The following WHRN variants were observed in gnomAD, a reference collection of about 807,000 sequenced individuals.
The protein encoded by WHRN is CASK-interacting protein CIP98.
Under a neutral mutation model 68.3 loss-of-function variants are expected in WHRN, and 41 were observed. The observed-to-expected ratio is 0.60, with a 90% confidence interval of 0.47 to 0.78. The LOEUF is 0.78. Among genes scored for constraint, WHRN ranks in the 30% least tolerant of loss-of-function variants. WHRN has a pLI of 0.00. For synonymous variants in WHRN, 560 were observed against 561.3 expected (o/e 1.00, Z 0.03); for missense variants, 1,243 against 1,244.7 (o/e 1.00, Z 0.02).
chr9:114,438,995 G>T (rs560881418), intron 3 of WHRN, among the ~76,000 whole-genome samples: 1 of 152,100 alleles, frequency 6.6e-6, no homozygotes, highest in African/African-American at 2.4e-5. Flanking sequence ...TCCAGGATAC[G>T]GTGAAGAAAA....
At chr9:114,485,603 A>G (rs1243468415) in intron 1 of WHRN, among the ~76,000 whole-genome samples, 1 of 151,820 alleles carries the variant, frequency 6.6e-6, no homozygotes, top group African/African-American at 2.4e-5. Flanking sequence ...GAGGCAGAAG[A>G]ATTGCTTGAC....
chr9:114,469,113 G>A (rs994993005), intron 2 of WHRN, among the ~76,000 whole-genome samples: 21 of 151,906 alleles, frequency 1.4e-4, no homozygotes, highest in African/African-American at 5.1e-4. Context: ...TGTGTAGAGT[G>A]CGTAGGGTCG....
chr9:114,460,910 CA>C (rs765324057), intron 3 of WHRN, among the ~76,000 whole-genome samples: 14 of 152,322 alleles, frequency 9.2e-5, no homozygotes, highest in Non-Finnish European at 1.3e-4. Flanking sequence ...TGCCTAATTC[CA>C]CTGAAAGTGC....
Position 114,424,426 on chromosome 9 carries a change from T to C in WHRN, c.1324A>G (p.Met442Val), listed in dbSNP as rs376346064. The change falls in exon 6 of 12, where the codon ATG (methionine) becomes GTG (valine). Residue 442 changes from methionine to valine, a missense_variant. Transcript: ENST00000362057. ...CGGTACTCATCCAGGTAGTAGGCCA[T>C]GGTGGCGTGTTCCTGCTCGTTCAGC... ...HLLNEQEHAT[M>V]AYYLDEYRGG... is the part of the protein sequence containing the mutation. 11 of 1,613,344 alleles carry C rather than the reference T, an allele frequency of 6.8e-6. No individual in the cohort carries two copies. In the African/African-American group the frequency reaches 1.1e-4, roughly 16 times the overall value.
intron 3 of WHRN, among the ~76,000 whole-genome samples, chr9:114,430,877 T>G (rs1413060641): frequency 1.3e-5 from 2 of 152,188 alleles, no homozygotes; most frequent in Non-Finnish European, 2.9e-5. Context: ...AAGTGCTAGG[T>G]AGGACTGGCT....
chr9:114,452,186 C>CTGCT (rs2132722907), intron 3 of WHRN, among the ~76,000 whole-genome samples: 1 of 152,328 alleles, frequency 6.6e-6, no homozygotes, highest in African/African-American at 2.4e-5. Context: ...TACCCTCATG[C>CTGCT]TGCTGTATCT....
At chr9:114,407,034 T>G in intron 8 of WHRN, 142 bp from the exon 9 acceptor site, 1 of 966,476 alleles carries the variant, frequency 1.0e-6, no homozygotes. Context: ...CTCTGAATAA[T>G]GCAACACCTG....
At chr9:114,426,615 C>T (rs1452888566) in intron 3 of WHRN, among the ~76,000 whole-genome samples, 1 of 152,206 alleles carries the variant, frequency 6.6e-6, no homozygotes, top group African/African-American at 2.4e-5. Flanking sequence ...AGAGTCCATG[C>T]TCTTGTCATC....
intron 7 of WHRN, among the ~76,000 whole-genome samples, chr9:114,420,732 C>T (rs551603938): frequency 7.2e-5 from 11 of 152,238 alleles, no homozygotes; most frequent in Non-Finnish European, 1.2e-4. Context: ...TTTCCCCAGC[C>T]AGGTGGGCTG....
chr9:114,502,223 T>C (rs1271541128), intron 1 of WHRN, among the ~76,000 whole-genome samples: 2 of 152,176 alleles, frequency 1.3e-5, no homozygotes, highest in South Asian at 2.1e-4. Flanking sequence ...ATTTTGCCAA[T>C]GTAGCCACCT....
In WHRN at chr9:114,403,925, C is replaced by T. The variant is rs753642608; in HGVS notation, c.2389G>A (p.Glu797Lys). The change falls in exon 10 of 12, where the codon GAG becomes AAG. Residue 797 changes from glutamate (E) to lysine (K), a missense_variant. By Grantham distance (56) the Glu-to-Lys change is moderately conservative. Coordinates refer to ENST00000362057, the MANE Select transcript of WHRN (RefSeq NM_015404.4). ...TTGTTGGCCCCATCTGTGGGCCTCT[C>T]GTTCCGAGGCAGCTCCTTGCTACTC... Reference protein sequence around the residue: ...SRSSKELPRNERPTDGANKPP... With the variant: ...SRSSKELPRNKRPTDGANKPP... The T allele has an allele frequency of 1.2e-5, 20 of 1,611,166 alleles. No homozygotes were observed. Among genetic ancestry groups the T allele is most frequent in the African/African-American group, 2.7e-5 (2 of 74,946 alleles).
In WHRN at chr9:114,504,822, G is replaced by C; in HGVS notation, c.-21C>G. On this transcript the variant is annotated 5_prime_UTR_variant, in exon 1 of 12. Transcript: ENST00000362057. ...TTCATCTCCACGCCGAGGCCCGGCCGGGCTCTGAGCGCGCGGGGTGTGGGC... is the reference window on the plus strand; with the variant it reads ...TTCATCTCCACGCCGAGGCCCGGCCCGGCTCTGAGCGCGCGGGGTGTGGGC... 7.2e-7 allele frequency: 1 copy of C among 1,387,272 alleles called. No individual in the cohort carries two copies. The highest frequency in any genetic ancestry group is 9.2e-7 in the Non-Finnish European group (1 of 1,083,092). 85.9% of individuals were successfully genotyped at this position (1,387,272 alleles called of 1,614,324 possible).
At chr9:114,481,002 T>C (rs1465097750) in intron 1 of WHRN, among the ~76,000 whole-genome samples, 1 of 152,194 alleles carries the variant, frequency 6.6e-6, no homozygotes, top group Non-Finnish European at 1.5e-5. Flanking sequence ...TGAGGTCACA[T>C]TGCTTTCAAT....
chr9:114,475,258 G>A (rs955737678), intron 2 of WHRN, among the ~76,000 whole-genome samples: 5 of 152,178 alleles, frequency 3.3e-5, no homozygotes, highest in East Asian at 3.9e-4. Flanking sequence ...CCACTTAGCC[G>A]CCCCCCATGA....
At chr9:114,486,910 T>TGTGG in intron 1 of WHRN, among the ~76,000 whole-genome samples, 1 of 96,646 alleles carries the variant, frequency 1.0e-5, no homozygotes, top group East Asian at 4.0e-4. Context: ...GTGTGTAGAG[T>TGTGG]GTGTGTGTGT....
At chr9:114,471,983 C>T (rs1841261172) in intron 2 of WHRN, among the ~76,000 whole-genome samples, 2 of 152,222 alleles carry the variant, frequency 1.3e-5, no homozygotes, top group Non-Finnish European at 2.9e-5. Flanking sequence ...GAAGGAGAGA[C>T]TCACTCCCTA....
intron 3 of WHRN, among the ~76,000 whole-genome samples, chr9:114,459,695 C>A (rs1327293993): frequency 6.6e-6 from 1 of 152,140 alleles, no homozygotes; most frequent in Non-Finnish European, 1.5e-5. Flanking sequence ...GTCCAGCACC[C>A]GTGATAGACC....
rs748829607 is a variant in WHRN, at chr9:114,504,184, C to A, written c.618G>T (p.Lys206Asn). The A allele has an allele frequency of 3.7e-6, 6 of 1,614,126 alleles. No homozygotes were observed. In the Admixed American group the frequency reaches 6.7e-5, roughly 18 times the overall value. ...LARVTHAEAV[K>N]ALKGSKKLVL... The stretch of plus-strand genomic sequence containing the variant: ...GACTCTCTCCAAACCACAGCCTTAC[C>A]TTGACGGCCTCCGCGTGGGTCACCC... Residue 206 changes from lysine (K) to asparagine (N), a missense_variant and splice_region_variant, in exon 1 of 12, where the codon AAG becomes AAT. Physicochemically the swap from Lys to Asn is moderately conservative, Grantham distance 94 (BLOSUM62 0). Coordinates refer to ENST00000362057, the MANE Select transcript of WHRN (RefSeq NM_015404.4).
chr9:114,425,826 G>T, intron 4 of WHRN: 1 of 328,456 alleles, frequency 3.0e-6, no homozygotes, highest in Admixed American at 4.1e-5. Flanking sequence ...GATCCAGCCT[G>T]GTGGCCTCTG....
Sources: allele counts gnomAD v4.1 joint callset (sites outside exome capture counted in the v4.1 genomes callset), GRCh38; gene constraint gnomAD v4.1.1; transcripts MANE v1.5; gene names NCBI Gene and HGNC (gene_info 2026-07-23, HGNC 2026-07-21).